TBXAS1: variants seen among roughly 807,000 people sequenced by gnomAD.
The protein encoded by TBXAS1 is thromboxane-A synthase.
A neutral mutation model predicts 60.7 loss-of-function variants in TBXAS1; 48 were observed. The observed-to-expected ratio is 0.79, with a 90% CI of 0.63 to 1.01. The LOEUF (loss-of-function observed/expected upper bound fraction) is 1.01. Ranked by LOEUF, TBXAS1 falls within the 50% of genes least tolerant of loss-of-function variation. The pLI, the probability that TBXAS1 is intolerant of heterozygous loss-of-function variation, is 0.00. For synonymous variants in TBXAS1, 287 were observed against 269.7 expected (o/e 1.06, Z -0.63); for missense variants, 685 against 686.3 (o/e 1.00, Z 0.02).
chr7:139,929,597 A>G (rs920395415), intron 4 of TBXAS1, among the ~76,000 whole-genome samples: 3 of 152,246 alleles, frequency 2.0e-5, no homozygotes, highest in African/African-American at 4.8e-5. Context: ...TGATTCTTTG[A>G]AAAGAAATTT....
intron 4 of TBXAS1, among the ~76,000 whole-genome samples, chr7:139,811,549 G>A (rs1456690934): frequency 1.3e-5 from 2 of 152,204 alleles, no homozygotes; most frequent in Non-Finnish European, 1.5e-5. Flanking sequence ...TCTTAGAAAG[G>A]ACACTGTGGA....
intron 4 of TBXAS1, among the ~76,000 whole-genome samples, chr7:139,932,456 T>C (rs1160385253): frequency 6.6e-6 from 1 of 152,106 alleles, no homozygotes; most frequent in African/African-American, 2.4e-5. Flanking sequence ...GTCTGTTGAC[T>C]ATTGGGATAG....
rs1814820133 is a variant in TBXAS1 at position 140,013,960 on chromosome 7, C to A, written c.1227-1763C>A. On this transcript the variant is annotated intron_variant, in intron 10 of 12. Coordinates refer to ENST00000448866, the MANE Select transcript of TBXAS1 (RefSeq NM_001061.7). The surrounding 1 kb of genome is among the most constrained non-coding windows in gnomAD (Gnocchi z 4.2). ...CCCACTGATTGCCCTTGACTTTGAG[C>A]TACAGGTTTCACCAGCTAACTGCGA... Among the ~76,000 whole-genome samples, 1 of 152,194 alleles carries A rather than the reference C, an allele frequency of 6.6e-6. No individual in the cohort carries two copies. Among genetic ancestry groups the A allele is most frequent in the African/African-American group, 2.4e-5 (1 of 41,448 alleles).
chr7:139,989,503 G>T (rs1168487728), intron 9 of TBXAS1, among the ~76,000 whole-genome samples: 2 of 152,204 alleles, frequency 1.3e-5, no homozygotes, highest in Non-Finnish European at 2.9e-5. Flanking sequence ...TTCCCAAGGG[G>T]CTGCCCCACC....
chr7:139,923,056 G>C (rs1806599001), intron 4 of TBXAS1, among the ~76,000 whole-genome samples: 1 of 152,206 alleles, frequency 6.6e-6, no homozygotes, highest in African/African-American at 2.4e-5. Flanking sequence ...CAGGCACGGT[G>C]GCTAACGCCT....
intron 9 of TBXAS1, among the ~76,000 whole-genome samples, chr7:139,976,575 T>C (rs1368826061): frequency 1.3e-5 from 2 of 152,184 alleles, no homozygotes; most frequent in Non-Finnish European, 2.9e-5. Context: ...CCTTCTCCTG[T>C]GCATGCCACC....
chr7:139,998,436 G>GC (rs1813445996), intron 9 of TBXAS1, among the ~76,000 whole-genome samples: 1 of 152,138 alleles, frequency 6.6e-6, no homozygotes, highest in Non-Finnish European at 1.5e-5. Flanking sequence ...GACCAGGTAG[G>GC]CCCAGGTAAT....
chr7:139,914,029 CT>C (rs1248707719), intron 4 of TBXAS1: 1,498 of 137,598 alleles, frequency 0.011, 7 homozygotes, highest in African/African-American at 0.029. Flanking sequence ...GAGCACATAT[CT>C]TTTTTTTTTT....
chr7:139,810,202 T>G (rs1171511339), intron 4 of TBXAS1, among the ~76,000 whole-genome samples: 2 of 151,442 alleles, frequency 1.3e-5, no homozygotes, highest in Non-Finnish European at 3.0e-5. Flanking sequence ...AATGCCTGAC[T>G]TTTTTTTTCT....
At chr7:139,795,338 C>T (rs1301453925) in intron 4 of TBXAS1, among the ~76,000 whole-genome samples, 49 of 111,864 alleles carry the variant, frequency 4.4e-4, no homozygotes, top group South Asian at 3.6e-3. Context: ...TGTTCATGTC[C>T]TTCGCCCACT....
rs740204 is a variant in TBXAS1, at chr7:140,007,340, A to G, written c.1226+158A>G. Among the ~76,000 whole-genome samples the G allele has an allele frequency of 0.54, 82,628 of 151,862 alleles. 24,529 individuals are homozygous for G. Among genetic ancestry groups the G allele is most frequent in the South Asian group, 0.7 (3,376 of 4,812 alleles). On this transcript the variant is annotated intron_variant, in intron 10 of 12. Coordinates refer to ENST00000448866, the MANE Select transcript of TBXAS1 (RefSeq NM_001061.7). ...CCTTTGTATCCCCATGGCACCTCAG[A>G]TATCTGGCCCGCTTTCCTACAGGTT... is the stretch of plus-strand genomic sequence containing the variant.
chr7:139,796,500 A>G (rs1173278857), intron 4 of TBXAS1, among the ~76,000 whole-genome samples: 2 of 152,220 alleles, frequency 1.3e-5, no homozygotes, highest in Non-Finnish European at 2.9e-5. Context: ...GGGGATGAAC[A>G]CGTGGAGCAC....
intron 9 of TBXAS1, among the ~76,000 whole-genome samples, chr7:139,991,337 C>T (rs1812886199): frequency 6.6e-6 from 1 of 151,040 alleles, no homozygotes; most frequent in African/African-American, 2.4e-5. Flanking sequence ...ATATGTTGCC[C>T]CCCTATGTTG....
At chr7:139,906,441 A>C (rs777677805) in intron 3 of TBXAS1, among the ~76,000 whole-genome samples, 2 of 152,044 alleles carry the variant, frequency 1.3e-5, no homozygotes, top group African/African-American at 2.4e-5. Flanking sequence ...TTGAGCATAT[A>C]TATGTGGGTC....
chr7:139,907,276 A>C (rs2117030868), intron 3 of TBXAS1, among the ~76,000 whole-genome samples: 1 of 152,290 alleles, frequency 6.6e-6, no homozygotes, highest in South Asian at 2.1e-4. Flanking sequence ...ATGTCAACTG[A>C]TATAATCACA....
At chr7:139,937,137 T>C (rs930671523) in intron 5 of TBXAS1, among the ~76,000 whole-genome samples, 4 of 152,202 alleles carry the variant, frequency 2.6e-5, no homozygotes, top group African/African-American at 9.7e-5. Context: ...TGTTTGCTGT[T>C]CTGAATTGTG....
chr7:139,816,714 A>G (rs1295604702), intron 4 of TBXAS1, among the ~76,000 whole-genome samples: 1 of 152,244 alleles, frequency 6.6e-6, no homozygotes, highest in African/African-American at 2.4e-5. Context: ...CGAGTTCTGC[A>G]GGTGATTCCG....
chr7:139,850,959 G>A (rs920149271), intron 1 of TBXAS1, among the ~76,000 whole-genome samples: 3 of 152,176 alleles, frequency 2.0e-5, no homozygotes, highest in South Asian at 2.1e-4. Context: ...AATGATGAGA[G>A]GATAATTTCT....
At chr7:139,962,391 T>C (rs573346531) in intron 9 of TBXAS1, 158 bp downstream of exon 9, 1 of 867,730 alleles carries the variant, frequency 1.2e-6, no homozygotes, top group East Asian at 2.7e-5. Flanking sequence ...GCTCTCCGGG[T>C]TAGCAAGCGA....
Sources: allele counts gnomAD v4.1 joint callset (sites outside exome capture counted in the v4.1 genomes callset), GRCh38; gene constraint gnomAD v4.1.1; non-coding constraint Gnocchi (gnomAD v3.1); transcripts MANE v1.5; gene names NCBI Gene and HGNC (gene_info 2026-07-23, HGNC 2026-07-21).